Variants in KCNIP4 observed in about 807,000 individuals in gnomAD.
KCNIP4 encodes potassium voltage-gated channel interacting protein 4, also known as Kv channel-interacting protein 4.
KCNIP4 carries 12 observed loss-of-function variants against 34.0 expected under a neutral mutation model. The ratio of observed to expected loss-of-function variants is 0.35; its 90% CI spans 0.23 to 0.57. KCNIP4 has a LOEUF of 0.57. KCNIP4 is among the 20% of genes least tolerant of loss of function. KCNIP4 has a pLI of 0.83. For synonymous variants in KCNIP4, 124 were observed against 102.2 expected (o/e 1.21, Z -1.29); for missense variants, 238 against 311.7 (o/e 0.76, Z 1.78).
rs561732995 is a variant in KCNIP4 at position 20,734,564 on chromosome 4, A to G, written c.537+64T>C. On this transcript the variant is annotated intron_variant, in intron 6 of 8. Coordinates refer to ENST00000382152, the MANE Select transcript of KCNIP4 (RefSeq NM_025221.6). Reference sequence around the variant, plus strand: ...CTTTTCAAATTAATAATTGCAATTAATATTTTAAAGTTAAGAAATGAAAAT... The same window carrying G: ...CTTTTCAAATTAATAATTGCAATTAGTATTTTAAAGTTAAGAAATGAAAAT... 1.4e-5 allele frequency: 11 copies of G among 788,836 alleles called. No homozygotes were observed. In the East Asian group the frequency reaches 3.2e-4, roughly 23 times the overall value. The allele number at this position is 788,836 out of a possible 1,614,324, so 48.9% of individuals were successfully genotyped here. A position where few individuals can be genotyped will look rare whatever the true frequency, so the allele number is the denominator to read the frequency against.
chr4:21,101,905 A>G (rs2109070937), intron 1 of KCNIP4, among the ~76,000 whole-genome samples: 1 of 152,272 alleles, frequency 6.6e-6, no homozygotes, highest in African/African-American at 2.4e-5. Context: ...GACTGACATT[A>G]GCTCCTTTTT....
intron 1 of KCNIP4, among the ~76,000 whole-genome samples, chr4:21,742,796 G>A (rs1429304357): frequency 6.6e-6 from 1 of 152,002 alleles, no homozygotes; most frequent in Non-Finnish European, 1.5e-5. Flanking sequence ...GGCAGTTTGA[G>A]GCCCAGCAGA....
At chr4:21,770,116 C>G (rs1718680389) in intron 1 of KCNIP4, among the ~76,000 whole-genome samples, 1 of 152,056 alleles carries the variant, frequency 6.6e-6, no homozygotes, top group African/African-American at 2.4e-5. Context: ...AGTTCCCTCC[C>G]CTCACCCCCT....
chr4:21,412,247 T>C (rs754702478), intron 1 of KCNIP4, among the ~76,000 whole-genome samples: 3 of 152,198 alleles, frequency 2.0e-5, no homozygotes, highest in Non-Finnish European at 4.4e-5. Flanking sequence ...GCTCATACCA[T>C]GTTCTTACCT....
At chr4:21,839,075 G>T (rs1170600719) in intron 1 of KCNIP4, among the ~76,000 whole-genome samples, 2 of 152,064 alleles carry the variant, frequency 1.3e-5, no homozygotes, top group Non-Finnish European at 2.9e-5. Flanking sequence ...TAGCAAGTTT[G>T]ATCAAGATAA....
chr4:21,850,258 A>G (rs192085703), intron 1 of KCNIP4: 1 of 152,170 alleles, frequency 6.6e-6, no homozygotes, highest in East Asian at 1.9e-4. Context: ...TCAGCAACTG[A>G]GAGACACTAA....
intron 1 of KCNIP4, among the ~76,000 whole-genome samples, chr4:21,823,388 A>G (rs569475109): frequency 1.3e-5 from 2 of 152,146 alleles, no homozygotes; most frequent in South Asian, 2.1e-4. Flanking sequence ...GAGGGGTTAC[A>G]GAAAACTATA....
At chr4:21,007,416 A>T (rs754184638) in intron 1 of KCNIP4, among the ~76,000 whole-genome samples, 1 of 152,152 alleles carries the variant, frequency 6.6e-6, no homozygotes, top group Non-Finnish European at 1.5e-5. Context: ...TACATAGTAG[A>T]TGTATATATT....
chr4:21,808,650 T>C (rs887152635), intron 1 of KCNIP4, among the ~76,000 whole-genome samples: 1 of 152,194 alleles, frequency 6.6e-6, no homozygotes, highest in Admixed American at 6.5e-5. Context: ...CACTAACTCC[T>C]ACATTGTTCA....
chr4:20,931,459 C>T (rs1309881610), intron 1 of KCNIP4, among the ~76,000 whole-genome samples: 2 of 152,042 alleles, frequency 1.3e-5, no homozygotes, highest in African/African-American at 4.8e-5. Flanking sequence ...TATACTACTA[C>T]ACAACTAGTC....
chr4:21,008,808 GCCA>G (rs1738806124), intron 1 of KCNIP4, among the ~76,000 whole-genome samples: 1 of 151,986 alleles, frequency 6.6e-6, no homozygotes, highest in African/African-American at 2.4e-5. Flanking sequence ...ACAGACGTGA[GCCA>G]CCGCGCCCAG....
chr4:21,168,214 TTTA>T (rs1753774351), intron 1 of KCNIP4, among the ~76,000 whole-genome samples: 2 of 152,186 alleles, frequency 1.3e-5, no homozygotes, highest in African/African-American at 2.4e-5. Flanking sequence ...AATCGTTGCC[TTTA>T]CCCCAGGCTT....
intron 1 of KCNIP4, among the ~76,000 whole-genome samples, chr4:21,309,317 ATCTTTC>A (rs1712863303): frequency 2.6e-5 from 4 of 152,120 alleles, no homozygotes; most frequent in Admixed American, 1.3e-4. Flanking sequence ...CTGATTGTTC[ATCTTTC>A]ATTCAATTGC....
intron 1 of KCNIP4, among the ~76,000 whole-genome samples, chr4:20,926,954 T>C (rs751385498): frequency 6.6e-6 from 1 of 152,176 alleles, no homozygotes; most frequent in Non-Finnish European, 1.5e-5. Context: ...TCATGAAATC[T>C]TATTGTAATT....
At chr4:20,801,328 T>C (rs1288524496) in intron 3 of KCNIP4, among the ~76,000 whole-genome samples, 1 of 151,692 alleles carries the variant, frequency 6.6e-6, no homozygotes, top group Non-Finnish European at 1.5e-5. Flanking sequence ...TTATAATTAC[T>C]GTCATAAGTA....
chr4:21,798,794 A>T (rs1210754186), intron 1 of KCNIP4, among the ~76,000 whole-genome samples: 3 of 152,068 alleles, frequency 2.0e-5, no homozygotes, highest in African/African-American at 7.2e-5. Flanking sequence ...AAGGCATATG[A>T]AACAAAAAAG....
chr4:21,322,651 A>G (rs2109305131), intron 1 of KCNIP4, among the ~76,000 whole-genome samples: 1 of 152,186 alleles, frequency 6.6e-6, no homozygotes, highest in East Asian at 1.9e-4. Context: ...AAATGGTGAC[A>G]TGGTGAAAAG....
intron 1 of KCNIP4, among the ~76,000 whole-genome samples, chr4:21,457,100 C>T (rs1320130275): frequency 6.6e-6 from 1 of 152,004 alleles, no homozygotes; most frequent in East Asian, 1.9e-4. Flanking sequence ...CACTCTCCTT[C>T]CATTTTACTG....
intron 1 of KCNIP4, among the ~76,000 whole-genome samples, chr4:21,026,962 T>C (rs1009036110): frequency 2.0e-5 from 3 of 152,158 alleles, no homozygotes; most frequent in African/African-American, 7.2e-5. Context: ...GGGGGTTTTG[T>C]CTCTATTATA....
Sources: allele counts gnomAD v4.1 joint callset (sites outside exome capture counted in the v4.1 genomes callset), GRCh38; gene constraint gnomAD v4.1.1; transcripts MANE v1.5; gene names NCBI Gene and HGNC (gene_info 2026-07-23, HGNC 2026-07-21).